Variants in SLC39A11 observed in about 807,000 individuals in gnomAD.
SLC39A11 encodes solute carrier family 39 member 11.
SLC39A11 carries 33 observed loss-of-function variants against 36.1 expected under a neutral mutation model. That is an observed-to-expected ratio of 0.91 (90% CI 0.69 to 1.22). The LOEUF (loss-of-function observed/expected upper bound fraction) is 1.22, where lower values mean the gene tolerates loss of function less well. Ranked by LOEUF, SLC39A11 falls within the 50% of genes most tolerant of loss-of-function variation. The pLI is 0.00. For synonymous variants in SLC39A11, 166 were observed against 170.3 expected, an observed-to-expected ratio of 0.97 and a Z score of 0.20; for missense variants, 432 against 430.3, an observed-to-expected ratio of 1.00 and a Z score of -0.03.
rs533771929 is a variant in SLC39A11, at chr17:73,028,822, A to C, written c.306+2734T>G. 3.6e-3 allele frequency among the ~76,000 whole-genome samples: 549 copies of C among 152,074 alleles called. 9 individuals carry two copies. In the South Asian group the frequency reaches 0.043, roughly 12 times the overall value. On this transcript the variant is annotated intron_variant, in intron 4 of 9. Coordinates refer to ENST00000255559, the MANE Select transcript of SLC39A11 (RefSeq NM_139177.4). ...AACCAAAAGGTTTAAAAAAAAAAAA[A>C]AAAACACTGCTGCAGCCGGGCACGG... is the stretch of plus-strand genomic sequence containing the variant.
At chr17:72,982,882 C>T (rs1292488631) in intron 4 of SLC39A11, among the ~76,000 whole-genome samples, 5 of 152,148 alleles carry the variant, frequency 3.3e-5, no homozygotes, top group African/African-American at 9.7e-5. Context: ...GTTGCACTGA[C>T]GACAGGGCTG....
At chr17:72,887,260 G>A (rs1270695117) in intron 5 of SLC39A11, among the ~76,000 whole-genome samples, 2 of 152,160 alleles carry the variant, frequency 1.3e-5, no homozygotes, top group Non-Finnish European at 2.9e-5. Context: ...GCTATCAACC[G>A]CAGTGGAAAG....
intron 7 of SLC39A11, among the ~76,000 whole-genome samples, chr17:72,698,089 A>G (rs536530514): frequency 6.6e-6 from 1 of 152,338 alleles, no homozygotes; most frequent in South Asian, 2.1e-4. Context: ...TATTATCCTG[A>G]TAAGATAAAC....
At chr17:72,914,514 G>A (rs2083222850) in intron 5 of SLC39A11, among the ~76,000 whole-genome samples, 1 of 152,096 alleles carries the variant, frequency 6.6e-6, no homozygotes, top group Non-Finnish European at 1.5e-5. Context: ...TCAAGGACTG[G>A]TGCATCTGCA....
intron 7 of SLC39A11, among the ~76,000 whole-genome samples, chr17:72,684,588 G>A (rs1236430020): frequency 1.3e-5 from 2 of 152,098 alleles, no homozygotes; most frequent in African/African-American, 2.4e-5. Context: ...CCAGATCAAG[G>A]GACCTTAACA....
At chr17:73,000,951 C>T (rs1009601725) in intron 4 of SLC39A11, among the ~76,000 whole-genome samples, 1 of 152,168 alleles carries the variant, frequency 6.6e-6, no homozygotes, top group African/African-American at 2.4e-5. Context: ...CCCAGAAATG[C>T]TTCTTCACTG....
intron 4 of SLC39A11, among the ~76,000 whole-genome samples, chr17:72,979,906 C>A (rs935872036): frequency 3.3e-5 from 5 of 152,104 alleles, no homozygotes; most frequent in African/African-American, 1.2e-4. Context: ...GACTTGCTCC[C>A]CAAAGCAGCA....
chr17:72,953,931 G>A (rs1035180395), intron 4 of SLC39A11, among the ~76,000 whole-genome samples: 1 of 152,214 alleles, frequency 6.6e-6, no homozygotes, highest in Non-Finnish European at 1.5e-5. Flanking sequence ...TCTATCGCAC[G>A]GATTCAGGAC....
At chr17:73,021,961 G>A (rs552520449) in intron 4 of SLC39A11, among the ~76,000 whole-genome samples, 10 of 152,350 alleles carry the variant, frequency 6.6e-5, no homozygotes, top group East Asian at 1.9e-4. Flanking sequence ...GTGTGCGCGC[G>A]TGTTCGTGCC....
intron 7 of SLC39A11, among the ~76,000 whole-genome samples, chr17:72,731,361 T>TCC (rs1249762026): frequency 2.6e-5 from 4 of 152,224 alleles, no homozygotes; most frequent in Admixed American, 6.5e-5. Context: ...GATCTGTGTC[T>TCC]CCGCCCACAT....
intron 5 of SLC39A11, among the ~76,000 whole-genome samples, chr17:72,867,754 GCGCGCGCA>G (rs749936988): frequency 5.6e-5 from 5 of 89,778 alleles, no homozygotes; most frequent in African/African-American, 3.0e-4. Flanking sequence ...TGAATGAAGT[GCGCGCGCA>G]CACACACACA....
intron 3 of SLC39A11, chr17:73,073,661 C>T (rs989266027): frequency 6.6e-6 from 1 of 152,228 alleles, no homozygotes; most frequent in Non-Finnish European, 1.5e-5. Flanking sequence ...AAGAGAGGAG[C>T]TTCACCGTAG....
At chr17:73,032,328 T>C (rs2058763575) in intron 3 of SLC39A11, among the ~76,000 whole-genome samples, 1 of 151,958 alleles carries the variant, frequency 6.6e-6, no homozygotes, top group Non-Finnish European at 1.5e-5. Flanking sequence ...TGCCTCAGCC[T>C]CCTGAGTAGC....
At chr17:72,815,564 C>T (rs947446181) in intron 6 of SLC39A11, among the ~76,000 whole-genome samples, 1 of 152,036 alleles carries the variant, frequency 6.6e-6, no homozygotes, top group Non-Finnish European at 1.5e-5. Context: ...TTGCAGTGAG[C>T]CGAGATCACA....
At chr17:72,922,520 G>A (rs1449573827) in intron 5 of SLC39A11, among the ~76,000 whole-genome samples, 1 of 152,192 alleles carries the variant, frequency 6.6e-6, no homozygotes, top group African/African-American at 2.4e-5. Flanking sequence ...CATGCTACAG[G>A]GTGAGAAGAA....
rs1491440922 is a variant in SLC39A11, at chr17:73,004,217, A to AAGAG, written c.306+27338_306+27339insCTCT. Among the ~76,000 whole-genome samples, 2 of 118,222 alleles carry AAGAG rather than the reference A, an allele frequency of 1.7e-5. 1 individual carries two copies. The highest frequency in any genetic ancestry group is 3.7e-5 in the Non-Finnish European group (2 of 54,036). The allele number at this position is 118,222 out of a possible 152,430, so 77.6% of individuals were successfully genotyped here. On this transcript the variant is annotated intron_variant, in intron 4 of 9. Transcript: ENST00000255559. ...AAAGAAAGAAAGAAAGAAAGAAAGA[A>AAGAG]AGAAAGAAAGAAAGAAAAGAAAGAA...
intron 6 of SLC39A11, among the ~76,000 whole-genome samples, chr17:72,807,167 TTCA>T: frequency 6.6e-6 from 1 of 152,354 alleles, no homozygotes; most frequent in South Asian, 2.1e-4. Flanking sequence ...TCTGAGGATA[TTCA>T]TCATTTTCAT....
At chr17:73,018,536 A>G (rs1173745786) in intron 4 of SLC39A11, among the ~76,000 whole-genome samples, 1 of 152,110 alleles carries the variant, frequency 6.6e-6, no homozygotes. Flanking sequence ...AAACACGGCA[A>G]GACTCCATAA....
At chr17:72,711,904 A>G (rs1409945823) in intron 7 of SLC39A11, among the ~76,000 whole-genome samples, 4 of 152,240 alleles carry the variant, frequency 2.6e-5, no homozygotes, top group Admixed American at 1.3e-4. Flanking sequence ...CTTGTGCAAG[A>G]AAAGAACCTT....
Sources: allele counts gnomAD v4.1 joint callset (sites outside exome capture counted in the v4.1 genomes callset), GRCh38; gene constraint gnomAD v4.1.1; transcripts MANE v1.5; gene names NCBI Gene and HGNC (gene_info 2026-07-23, HGNC 2026-07-21).